Variants in KCNH8 observed in about 807,000 individuals in gnomAD.
KCNH8 encodes the protein voltage-gated delayed rectifier potassium channel KCNH8.
Under a neutral mutation model 103.6 loss-of-function variants are expected in KCNH8, and 70 were observed. The observed-to-expected ratio is 0.68, with a 90% confidence interval of 0.56 to 0.82. KCNH8 has a LOEUF of 0.82. KCNH8 is among the 40% of genes least tolerant of loss of function. The pLI is 0.00. For missense variants in KCNH8, 1,217 were observed against 1,329.9 expected, an observed-to-expected ratio of 0.92 and a Z score of 1.32; for synonymous variants, 498 against 489.4, an observed-to-expected ratio of 1.02 and a Z score of -0.23.
At chr3:19,497,201 G>C (rs931828278) in intron 11 of KCNH8, among the ~76,000 whole-genome samples, 1 of 151,850 alleles carries the variant, frequency 6.6e-6, no homozygotes, top group Non-Finnish European at 1.5e-5. Context: ...ACCAACTCTT[G>C]GATTAATTGA....
chr3:19,471,913 C>T (rs942080774), intron 11 of KCNH8, among the ~76,000 whole-genome samples: 2 of 152,096 alleles, frequency 1.3e-5, no homozygotes, highest in African/African-American at 4.8e-5. Flanking sequence ...GAGCCAAATA[C>T]GTAAGTAAAA....
chr3:19,316,286 G>A (rs1269170361), intron 3 of KCNH8, among the ~76,000 whole-genome samples: 1 of 151,756 alleles, frequency 6.6e-6, no homozygotes, highest in East Asian at 1.9e-4. Flanking sequence ...CCCACTAAAT[G>A]CCAGTAATAC....
At chr3:19,155,677 C>T (rs2063174355) in intron 1 of KCNH8, among the ~76,000 whole-genome samples, 1 of 152,128 alleles carries the variant, frequency 6.6e-6, no homozygotes, top group Admixed American at 6.6e-5. Flanking sequence ...TTTTGGGACT[C>T]TGCTTTTCAC....
chr3:19,240,824 T>A (rs955677154), intron 1 of KCNH8, among the ~76,000 whole-genome samples: 70 of 135,082 alleles, frequency 5.2e-4, no homozygotes, highest in African/African-American at 2.7e-3. Context: ...CTTGAACTCC[T>A]TTTTTTTCCC....
intron 1 of KCNH8, among the ~76,000 whole-genome samples, chr3:19,175,763 C>G (rs2063393948): frequency 6.6e-6 from 1 of 152,140 alleles, no homozygotes; most frequent in South Asian, 2.1e-4. Context: ...GATTTGTCAT[C>G]TTGATTCTTC....
intron 3 of KCNH8, among the ~76,000 whole-genome samples, chr3:19,310,451 A>T (rs376362183): frequency 2.0e-5 from 3 of 152,052 alleles, no homozygotes; most frequent in African/African-American, 7.2e-5. Context: ...ATAACATATC[A>T]TGAAATGTCA....
intron 2 of KCNH8, among the ~76,000 whole-genome samples, chr3:19,255,513 T>G (rs1281576724): frequency 6.6e-6 from 1 of 151,828 alleles, no homozygotes; most frequent in Admixed American, 6.6e-5. Flanking sequence ...TGAATAGGAG[T>G]GGTAAGAGAG....
chr3:19,409,673 C>A (rs1175981407), intron 7 of KCNH8, among the ~76,000 whole-genome samples: 1 of 152,044 alleles, frequency 6.6e-6, no homozygotes, highest in Non-Finnish European at 1.5e-5. Flanking sequence ...GAAAGATATA[C>A]CATGCAAACA....
intron 1 of KCNH8, among the ~76,000 whole-genome samples, chr3:19,251,262 G>A (rs7643919): frequency 0.062 from 9,482 of 152,092 alleles, 959 homozygotes; most frequent in African/African-American, 0.21. Flanking sequence ...CATACAATGT[G>A]TAGTCAATAA....
rs186013610 is a variant in KCNH8 at position 19,306,496 on chromosome 3, C to T, written c.442+25167C>T. On this transcript the variant is annotated intron_variant, in intron 3 of 15. Coordinates refer to ENST00000328405, the MANE Select transcript of KCNH8 (RefSeq NM_144633.3). ...AAGAGTCGATGTTCAATTCTTACTG[C>T]ATGCCAGGCAATATGCTGGTTAGTC... 2.3e-3 allele frequency among the ~76,000 whole-genome samples: 350 copies of T among 152,238 alleles called. 2 individuals carry two copies. Among genetic ancestry groups the T allele is most frequent in the Non-Finnish European group, 2.0e-3 (136 of 67,998 alleles).
chr3:19,513,015 A>G lies in KCNH8; in HGVS notation c.2125A>G (p.Ile709Val). 6.2e-7 allele frequency: 1 copy of G among 1,613,638 alleles called. No individual in the cohort carries two copies. Among genetic ancestry groups the G allele is most frequent in the Non-Finnish European group, 8.5e-7 (1 of 1,179,764 alleles). Residue 709 changes from isoleucine (I) to valine (V), a missense_variant, in exon 13 of 16, where the codon ATT (isoleucine) becomes GTT (valine). Physicochemically the swap from Ile to Val is conservative, Grantham distance 29. Transcript: ENST00000328405. ...CAACATCAACAAGCGACTCCCATCC[A>G]TTGTGGAAGATGAGGAAGAGGAGGA... ...NGNINKRLPS[I>V]VEDEEEEEEG...
intron 1 of KCNH8, among the ~76,000 whole-genome samples, chr3:19,181,934 C>T (rs1386684941): frequency 6.6e-6 from 1 of 152,028 alleles, no homozygotes; most frequent in African/African-American, 2.4e-5. Flanking sequence ...ACATATAATA[C>T]TAACAAAGTG....
intron 3 of KCNH8, among the ~76,000 whole-genome samples, chr3:19,336,633 A>C (rs2065589125): frequency 6.6e-6 from 1 of 151,924 alleles, no homozygotes; most frequent in African/African-American, 2.4e-5. Context: ...TCAATTTCTG[A>C]GACAGATGAA....
At chr3:19,377,790 G>A (rs1189080688) in intron 5 of KCNH8, among the ~76,000 whole-genome samples, 1 of 152,188 alleles carries the variant, frequency 6.6e-6, no homozygotes, top group East Asian at 1.9e-4. Context: ...GTCACATTTT[G>A]ATTGGATTTT....
At chr3:19,506,635 C>T (rs1172123222) in intron 11 of KCNH8, among the ~76,000 whole-genome samples, 2 of 152,108 alleles carry the variant, frequency 1.3e-5, no homozygotes, top group Admixed American at 1.3e-4. Flanking sequence ...CTGGGCTGCA[C>T]ACTGCAATTC....
chr3:19,412,956 A>C (rs2066804405), intron 7 of KCNH8, among the ~76,000 whole-genome samples: 1 of 152,062 alleles, frequency 6.6e-6, no homozygotes, highest in Non-Finnish European at 1.5e-5. Flanking sequence ...AGCAGTTTGG[A>C]AATTTCTCAA....
chr3:19,315,000 A>G (rs2065255081), intron 3 of KCNH8: 1 of 152,944 alleles, frequency 6.5e-6, no homozygotes, highest in Non-Finnish European at 1.5e-5. Context: ...TAATACTTTA[A>G]TATCAGGTCA....
intron 1 of KCNH8, among the ~76,000 whole-genome samples, chr3:19,211,833 A>T (rs985707939): frequency 1.3e-5 from 2 of 152,190 alleles, no homozygotes; most frequent in African/African-American, 4.8e-5. Context: ...TCATCAAATA[A>T]ATGTATTTAA....
At chr3:19,152,891 A>G (rs1048485616) in intron 1 of KCNH8, among the ~76,000 whole-genome samples, 1 of 152,142 alleles carries the variant, frequency 6.6e-6, no homozygotes, top group African/African-American at 2.4e-5. Context: ...AGCTGAGATC[A>G]TGCCCCTGCA....
Sources: gnomAD v4.1 joint callset for allele counts (sites outside exome capture counted in the v4.1 genomes callset) on GRCh38, gnomAD v4.1.1 for gene constraint, MANE v1.5 for transcripts, NCBI Gene and HGNC (gene_info 2026-07-23, HGNC 2026-07-21) for gene names.